The following DDX3X variants were observed in gnomAD, a reference collection of about 807,000 sequenced individuals.
DDX3X encodes the protein ATP-dependent RNA helicase DDX3X.
DDX3X carries 4 observed loss-of-function variants against 52.7 expected under a neutral mutation model. That is an observed-to-expected ratio of 0.08 (90% confidence interval 0.04 to 0.17). DDX3X has a LOEUF of 0.17. DDX3X is among the 10% of genes least tolerant of loss of function. DDX3X has a pLI of 1.00. For missense variants in DDX3X, 222 were observed against 548.6 expected, an observed-to-expected ratio of 0.40 and a Z score of 5.95; for synonymous variants, 192 against 178.1, an observed-to-expected ratio of 1.08 and a Z score of -0.62.
intron 3 of DDX3X, chrX:41,340,771 A>G (rs1294547408): frequency 3.4e-6 from 1 of 295,075 alleles, no homozygotes; most frequent in Non-Finnish European, 5.9e-6. Flanking sequence ...ACAGTCTATG[A>G]ATGTTCTAAA....
At chrX:41,339,107 T>A in intron 3 of DDX3X, 24 bp downstream of exon 3, 1 of 1,009,328 alleles carries the variant, frequency 9.9e-7, no homozygotes, top group Non-Finnish European at 1.3e-6. Context: ...AGTAACTTCG[T>A]AGGTCTATTT....
chrX:41,357,324 T>C (rs2064013495), intron 5 of DDX3X, among the ~76,000 whole-genome samples: 1 of 111,533 alleles, frequency 9.0e-6, no homozygotes, highest in African/African-American at 3.3e-5. Context: ...AATTTAGCTC[T>C]TCTAGTTCCT....
At chrX:41,358,327 C>T (rs1229490218) in intron 5 of DDX3X, among the ~76,000 whole-genome samples, 6 of 110,040 alleles carry the variant, frequency 5.5e-5, no homozygotes, top group African/African-American at 1.7e-4. Context: ...CTGCCCGCCT[C>T]GGCCTCCCAA....
intron 10 of DDX3X, chrX:41,344,657 C>T (rs1224948792): frequency 2.0e-5 from 7 of 356,766 alleles, no homozygotes; most frequent in African/African-American, 7.8e-5. Context: ...AGGCTGGTCT[C>T]GAACTCCTGA....
chrX:41,341,370 G>T (rs1376886792), intron 3 of DDX3X, 114 bp from the exon 4 acceptor site: 2 of 580,848 alleles, frequency 3.4e-6, no homozygotes, highest in African/African-American at 4.7e-5. Flanking sequence ...CTCTTACAGT[G>T]CCATGGTAGG....
intron 5 of DDX3X, among the ~76,000 whole-genome samples, chrX:41,356,950 T>TTTTTTTTTTTTTTTTTTTTTTC (rs2064011869): frequency 1.0e-5 from 1 of 95,717 alleles, no homozygotes; most frequent in African/African-American, 4.2e-5. Flanking sequence ...TTTTTTTTTT[T>TTTTTTTTTTTTTTTTTTTTTTC]TGAGACGGAG....
intron 11 of DDX3X, 31 bp from the exon 12 acceptor site, chrX:41,345,373 C>A: frequency 8.4e-7 from 1 of 1,197,227 alleles, no homozygotes; most frequent in African/African-American, 1.8e-5. Context: ...TTGTTTATCT[C>A]AGGTAATAAT....
intron 3 of DDX3X, chrX:41,341,033 T>C (rs1464886889): frequency 4.7e-6 from 1 of 214,346 alleles, no homozygotes; most frequent in African/African-American, 2.9e-5. Context: ...TTTCCCGTGC[T>C]GGAGTGCAGT....
chrX:41,338,360 C>G (rs2063801131), intron 2 of DDX3X: 1 of 111,217 alleles, frequency 9.0e-6, no homozygotes, highest in African/African-American at 3.3e-5. Context: ...ACTGATTGTC[C>G]TAGTAGAGAT....
downstream of DDX3X, chrX:41,351,118 G>A (rs1318774258): frequency 1.8e-5 from 2 of 111,560 alleles, no homozygotes; most frequent in African/African-American, 6.5e-5. Context: ...GTTTGGGATT[G>A]CTAGATTGGA....
chrX:41,361,293 A>G (rs2064028942), intron 5 of DDX3X, among the ~76,000 whole-genome samples: 1 of 109,479 alleles, frequency 9.1e-6, no homozygotes, highest in Non-Finnish European at 1.9e-5. Context: ...CGGGTGGGTC[A>G]TGAGGTCAGG....
rs1042259619 is a variant in DDX3X, at chrX:41,349,615, T to C, written c.*1896T>C. 1.8e-5 allele frequency: 2 copies of C among 112,534 alleles called. No individual in the cohort carries two copies. The highest frequency in any genetic ancestry group is 6.5e-5 in the African/African-American group (2 of 30,935). 9.3% of individuals were successfully genotyped at this position (112,534 alleles called of 1,213,427 possible). A position where few individuals can be genotyped will look rare whatever the true frequency, so the allele number is the denominator to read the frequency against. On this transcript the variant is annotated 3_prime_UTR_variant, in exon 17 of 17. Transcript: ENST00000644876. The stretch of plus-strand genomic sequence containing the variant: ...AAAGACAGTACAAAAACACTGGCAC[T>C]TGAATGTTGAATGTCACCGTATGCG...
chrX:41,336,310 G>A (rs1207660500), intron 1 of DDX3X: 1 of 111,728 alleles, frequency 9.0e-6, no homozygotes, highest in Non-Finnish European at 1.9e-5. Flanking sequence ...CGTTATGAAG[G>A]TAGCACATAA....
chrX:41,347,837 TC>T lies in DDX3X; in HGVS notation c.*120del, dbSNP rs2063946460. ...CGCAGTACATTACCAGCTGTGATTC[TC>T]CACTGAAATTTTTTTTTTAAGGGAG... On this transcript the variant is annotated 3_prime_UTR_variant, in exon 17 of 17. Coordinates refer to ENST00000644876, the MANE Select transcript of DDX3X (RefSeq NM_001356.5). The T allele has an allele frequency of 2.1e-6, 1 of 487,568 alleles. No homozygotes were observed. Among genetic ancestry groups the T allele is most frequent in the African/African-American group, 2.5e-5 (1 of 40,100 alleles). The allele number at this position is 487,568 out of a possible 1,213,427, so 40.2% of individuals were successfully genotyped here.
At position 41,346,851 on chromosome X, in the gene DDX3X, T is replaced by C. The variant is rs770054248; in HGVS notation, c.1616-8T>C. ...TTTGTTTATATACTTTTTTGGGAAC[T>C]CTTTTAGGCCTGGCAACCTCATTCT... is the stretch of plus-strand genomic sequence containing the variant. On this transcript the variant is annotated splice_region_variant and splice_polypyrimidine_tract_variant and intron_variant, in intron 14 of 16. Coordinates refer to ENST00000644876, the MANE Select transcript of DDX3X (RefSeq NM_001356.5). 3 of 1,191,961 alleles carry C rather than the reference T, an allele frequency of 2.5e-6. No individual in the cohort carries two copies. In the African/African-American group the frequency reaches 5.3e-5, roughly 21 times the overall value.
intron 14 of DDX3X, 112 bp from the exon 15 acceptor site, chrX:41,346,747 T>G (rs1284132108): frequency 1.0e-6 from 1 of 968,232 alleles, no homozygotes; most frequent in African/African-American, 2.0e-5. Flanking sequence ...AAAGCACTTG[T>G]TTAAATATTA....
At chrX:41,345,999 G>A (rs779069116) in intron 12 of DDX3X, 5 of 385,272 alleles carry the variant, frequency 1.3e-5, no homozygotes, top group East Asian at 4.4e-5. Context: ...TTGCACCTGC[G>A]AATGGCCAGT....
At chrX:41,343,017 G>A in intron 6 of DDX3X, 181 bp downstream of exon 6, 1 of 586,871 alleles carries the variant, frequency 1.7e-6, no homozygotes. Flanking sequence ...TAGAAAATGG[G>A]TCAAACATAG....
intron 15 of DDX3X, 117 bp downstream of exon 15, chrX:41,347,129 C>G (rs1017972723): frequency 3.2e-6 from 3 of 939,020 alleles, no homozygotes; most frequent in Non-Finnish European, 4.4e-6. Context: ...GCTTAATCAT[C>G]TTAGGCTTCC....
Sources: gnomAD v4.1 joint callset for allele counts (sites outside exome capture counted in the v4.1 genomes callset) on GRCh38, gnomAD v4.1.1 for gene constraint, MANE v1.5 for transcripts, NCBI Gene and HGNC (gene_info 2026-07-23, HGNC 2026-07-21) for gene names.